Variants in LIPH observed in about 807,000 individuals in gnomAD.
LIPH encodes the protein lipase H.
A neutral mutation model predicts 47.6 loss-of-function variants in LIPH; 32 were observed. That is an observed-to-expected ratio of 0.67 (90% CI 0.51 to 0.90). The LOEUF is 0.90. Among genes scored for constraint, LIPH ranks in the 40% least tolerant of loss-of-function variants. The probability of loss-of-function intolerance (pLI) is 0.00; values close to 1 mark genes in which losing one functional copy is unlikely to be tolerated. For synonymous variants in LIPH, 190 were observed against 195.6 expected (o/e 0.97, Z 0.24); for missense variants, 497 against 541.4 (o/e 0.92, Z 0.81).
At chr3:185,517,658 G>A (rs1719772901) in intron 6 of LIPH, among the ~76,000 whole-genome samples, 1 of 151,956 alleles carries the variant, frequency 6.6e-6, no homozygotes, top group South Asian at 2.1e-4. Context: ...CTGTCCAGAG[G>A]GCCCTCTTTC....
intron 5 of LIPH, among the ~76,000 whole-genome samples, chr3:185,522,398 C>T (rs1719918895): frequency 6.6e-6 from 1 of 150,700 alleles, no homozygotes; most frequent in African/African-American, 2.5e-5. Flanking sequence ...AATCCTAACA[C>T]TTTGGGAGGC....
chr3:185,548,411 AG>A (rs201367236), intron 1 of LIPH, among the ~76,000 whole-genome samples: 7,071 of 150,522 alleles, frequency 0.047, 269 homozygotes, highest in East Asian at 0.23. Context: ...CTCACATAAA[AG>A]GAAAAAAAAA....
rs748483049 is a variant in LIPH, at chr3:185,519,288, TC to T, written c.739del (p.Asp247ThrfsTer13). ...ILGGFQYFKC[D>X]HQRSVYLYLS... is the part of the protein sequence containing the mutation. The stretch of plus-strand genomic sequence containing the variant: ...GTACAGGTATACAGACCTCTGGTGG[TC>T]ACATTTAAAATACTGAAATCCTTGG... On this transcript the variant is annotated frameshift_variant, in exon 6 of 10. Transcript: ENST00000296252. 6.2e-7 allele frequency: 1 copy of T among 1,613,308 alleles called. No individual in the cohort carries two copies. Among genetic ancestry groups the T allele is most frequent in the South Asian group, 1.1e-5 (1 of 91,068 alleles).
At chr3:185,535,263 T>G in intron 1 of LIPH, 131 bp from the exon 2 acceptor site, 1 of 1,037,298 alleles carries the variant, frequency 9.6e-7, no homozygotes, top group Non-Finnish European at 1.5e-6. Context: ...TGGATCCAGT[T>G]GAATGAAGTT....
At chr3:185,518,881 C>T (rs774451951) in intron 6 of LIPH, among the ~76,000 whole-genome samples, 4 of 151,862 alleles carry the variant, frequency 2.6e-5, no homozygotes, top group Non-Finnish European at 5.9e-5. Context: ...CGCACCACCA[C>T]ACCCGGCTAC....
rs541470351 is a variant in LIPH, at chr3:185,544,007, C to T, written c.49+8416G>A. Among the ~76,000 whole-genome samples the T allele has an allele frequency of 2.0e-4, 30 of 152,044 alleles. No homozygotes were observed. The East Asian group carries it at 3.7e-3, about 19-fold the overall frequency. On this transcript the variant is annotated intron_variant, in intron 1 of 9. Coordinates refer to ENST00000296252, the MANE Select transcript of LIPH (RefSeq NM_139248.3). Reference sequence around the variant, plus strand: ...CTGAGATTATAGGTGCATGCCACCACGCCCAGCTAATTTTTATATTTTTAG... The same window carrying T: ...CTGAGATTATAGGTGCATGCCACCATGCCCAGCTAATTTTTATATTTTTAG...
intron 1 of LIPH, among the ~76,000 whole-genome samples, chr3:185,538,876 T>C (rs1335610516): frequency 7.8e-5 from 11 of 140,862 alleles, no homozygotes; most frequent in East Asian, 4.0e-4. Flanking sequence ...TATATACACA[T>C]ATATATACAT....
Position 185,529,069 on chromosome 3 carries a change from C to T in LIPH, c.527-1484G>A, listed in dbSNP as rs1224763048. On this transcript the variant is annotated intron_variant, in intron 3 of 9. Coordinates refer to ENST00000296252, the MANE Select transcript of LIPH (RefSeq NM_139248.3). Reference sequence around the variant, plus strand: ...GCACGTGCCTGTAGTCCCAGCTACTCGGGAGGCTAAGGCAGGAGAATTGTT... The same window carrying T: ...GCACGTGCCTGTAGTCCCAGCTACTTGGGAGGCTAAGGCAGGAGAATTGTT... 4.1e-5 allele frequency among the ~76,000 whole-genome samples: 6 copies of T among 145,168 alleles called. No individual in the cohort carries two copies. The East Asian group carries it at 1.0e-3, about 25-fold the overall frequency.
Position 185,517,178 on chromosome 3 carries a change from A to T in LIPH, c.887-16T>A, listed in dbSNP as rs764369128. ...GCATAATAGCCTATGAAACAAGTTTAAAAAATTGTAAGATTAATATGTATT... is the reference window on the plus strand; with the variant it reads ...GCATAATAGCCTATGAAACAAGTTTTAAAAATTGTAAGATTAATATGTATT... On this transcript the variant is annotated splice_polypyrimidine_tract_variant and intron_variant, in intron 6 of 9. Transcript: ENST00000296252. The T allele has an allele frequency of 2.1e-5, 28 of 1,349,300 alleles. No homozygotes were observed. Among genetic ancestry groups the T allele is most frequent in the Non-Finnish European group, 3.0e-5 (28 of 938,698 alleles). 83.6% of individuals were successfully genotyped at this position (1,349,300 alleles called of 1,614,324 possible).
At chr3:185,512,898 TC>T (rs1277868782) in intron 8 of LIPH, among the ~76,000 whole-genome samples, 1 of 152,106 alleles carries the variant, frequency 6.6e-6, no homozygotes, top group African/African-American at 2.4e-5. Context: ...ATAAAACTAA[TC>T]TAAGAGGTGC....
intron 5 of LIPH, 110 bp downstream of exon 5, chr3:185,523,961 A>G (rs1719985324): frequency 1.4e-6 from 1 of 720,456 alleles, no homozygotes; most frequent in African/African-American, 1.8e-5. Context: ...ACCTCAGGTG[A>G]TCCACCCGTC....
chr3:185,512,095 TAC>T (rs938321785), intron 8 of LIPH, among the ~76,000 whole-genome samples: 1 of 152,136 alleles, frequency 6.6e-6, no homozygotes, highest in Non-Finnish European at 1.5e-5. Context: ...AATAGATGCT[TAC>T]AGAGATCAAG....
intron 1 of LIPH, among the ~76,000 whole-genome samples, chr3:185,551,432 G>C (rs1721046046): frequency 6.6e-6 from 1 of 151,948 alleles, no homozygotes; most frequent in African/African-American, 2.4e-5. Context: ...TTTCTACTTT[G>C]CATTACTTTA....
chr3:185,533,808 G>T, intron 2 of LIPH, 129 bp from the exon 3 acceptor site: 1 of 662,834 alleles, frequency 1.5e-6, no homozygotes. Context: ...TCATTTAAAA[G>T]TCACAACATC....
rs1325982822 is a variant in LIPH, at chr3:185,538,848, TATATATAC to T, written c.50-3724_50-3717del. Among the ~76,000 whole-genome samples, 78 of 112,552 alleles carry T rather than the reference TATATATAC, an allele frequency of 6.9e-4. 1 individual carries two copies. The highest frequency in any genetic ancestry group is 4.3e-3 in the Admixed American group (43 of 9,968). The allele number at this position is 112,552 out of a possible 152,430, so 73.8% of individuals were successfully genotyped here. The stretch of plus-strand genomic sequence containing the variant: ...ATATACATATATACATATATACACA[TATATATAC>T]ATATATACATATATACACATATATA... On this transcript the variant is annotated intron_variant, in intron 1 of 9. Coordinates refer to ENST00000296252, the MANE Select transcript of LIPH (RefSeq NM_139248.3).
chr3:185,538,762 T>C (rs1360227565), intron 1 of LIPH, among the ~76,000 whole-genome samples: 17 of 3,254 alleles, frequency 5.2e-3, no homozygotes, highest in African/African-American at 8.7e-3. Flanking sequence ...TATATACATA[T>C]ATATGTACAT....
intron 2 of LIPH, 46 bp downstream of exon 2, chr3:185,534,719 G>A (rs1255337673): frequency 1.2e-6 from 2 of 1,604,710 alleles, no homozygotes; most frequent in Non-Finnish European, 8.5e-7. Context: ...TCAGATAATG[G>A]GCCAGTTTCA....
chr3:185,521,284 A>G (rs1253999255), intron 5 of LIPH, among the ~76,000 whole-genome samples: 5 of 152,212 alleles, frequency 3.3e-5, no homozygotes, highest in Non-Finnish European at 5.9e-5. Context: ...GAACTGTTAT[A>G]CTATACTGAA....
chr3:185,534,291 G>A (rs563723202), intron 2 of LIPH, among the ~76,000 whole-genome samples: 9 of 152,044 alleles, frequency 5.9e-5, no homozygotes, highest in African/African-American at 2.2e-4. Flanking sequence ...GGTAGGCAAA[G>A]GTTGCGGTGA....
Sources: allele counts gnomAD v4.1 joint callset (sites outside exome capture counted in the v4.1 genomes callset), GRCh38; gene constraint gnomAD v4.1.1; transcripts MANE v1.5; gene names NCBI Gene and HGNC (gene_info 2026-07-23, HGNC 2026-07-21).